Variants in CTNNA2 observed in about 807,000 individuals in gnomAD.
The protein encoded by CTNNA2 is catenin alpha 2, also known as catenin alpha-2.
In CTNNA2, 42 loss-of-function variants were observed where a neutral mutation model predicts 101.0. The ratio of observed to expected loss-of-function variants is 0.42; its 90% CI spans 0.32 to 0.54. The LOEUF (loss-of-function observed/expected upper bound fraction) is 0.54. Among genes scored for constraint, CTNNA2 ranks in the 20% least tolerant of loss-of-function variants. The pLI is 0.14. For synonymous variants in CTNNA2, 450 were observed against 456.4 expected (o/e 0.99, Z 0.18); for missense variants, 871 against 1,223.1 (o/e 0.71, Z 4.29).
chr2:80,054,657 A>G (rs886217265), intron 7 of CTNNA2, among the ~76,000 whole-genome samples: 2 of 152,060 alleles, frequency 1.3e-5, no homozygotes, highest in Non-Finnish European at 2.9e-5. Context: ...TCGCAAGGAG[A>G]TGTGGGAACC....
At chr2:80,072,982 G>A (rs1471761) in intron 7 of CTNNA2, among the ~76,000 whole-genome samples, 91 of 152,116 alleles carry the variant, frequency 6.0e-4, no homozygotes, top group Middle Eastern at 3.4e-3. Context: ...GTCTATTTTC[G>A]TGCAGAAATT....
rs1427552722 is a variant in CTNNA2 at position 79,930,262 on chromosome 2, GAAAGAAAGAA to G, written c.1056+20467_1056+20476del. On this transcript the variant is annotated intron_variant, in intron 7 of 18. Coordinates refer to ENST00000402739, the MANE Select transcript of CTNNA2 (RefSeq NM_001282597.3). Reference sequence around the variant, plus strand: ...TGTCTCAAAGAAAGAAAGAAAGAAAGAAAGAAAGAAAGAAAGAGAGAGAGAGAGAAAGAGA... The same window carrying G: ...TGTCTCAAAGAAAGAAAGAAAGAAAGAGAAAGAGAGAGAGAGAGAAAGAGA... 1.2e-4 allele frequency among the ~76,000 whole-genome samples: 5 copies of G among 40,068 alleles called. 1 individual carries two copies. Among genetic ancestry groups the G allele is most frequent in the African/African-American group, 3.0e-4 (5 of 16,620 alleles). 26.3% of individuals were successfully genotyped at this position (40,068 alleles called of 152,430 possible).
In CTNNA2 at chr2:79,469,547, G is replaced by A. The variant is rs568133332; in HGVS notation, c.-134-35507G>A. Among the ~76,000 whole-genome samples, 11 of 152,204 alleles carry A rather than the reference G, an allele frequency of 7.2e-5. No individual in the cohort carries two copies. In the South Asian group the frequency reaches 1.2e-3, roughly 17 times the overall value. ...CATTTTATGAGGCCAGCATCATCCCGATACCAAAGCCCAGCAGAGACACAA... is the reference window on the plus strand; with the variant it reads ...CATTTTATGAGGCCAGCATCATCCCAATACCAAAGCCCAGCAGAGACACAA... On this transcript the variant is annotated intron_variant, in intron 4 of 21. Transcript: ENST00000466387.
chr2:80,323,509 T>C (rs1347475905), intron 7 of CTNNA2, among the ~76,000 whole-genome samples: 1 of 152,164 alleles, frequency 6.6e-6, no homozygotes, highest in African/African-American at 2.4e-5. Flanking sequence ...TGTCAGGCAC[T>C]GTCCTAGATG....
chr2:79,907,106 A>G (rs1351402510), intron 6 of CTNNA2, among the ~76,000 whole-genome samples: 1 of 152,212 alleles, frequency 6.6e-6, no homozygotes, highest in Admixed American at 6.5e-5. Context: ...GTCCTAAAGT[A>G]CAATAAATAC....
chr2:79,796,394 CAAAA>C (rs386390569), intron 3 of CTNNA2, among the ~76,000 whole-genome samples: 2 of 94,814 alleles, frequency 2.1e-5, no homozygotes, highest in Non-Finnish European at 4.7e-5. Flanking sequence ...GACTCCGTCT[CAAAA>C]AAAAAAAAAA....
chr2:80,137,833 G>T lies in CTNNA2; in HGVS notation c.1056+228036G>T, dbSNP rs140651270. On this transcript the variant is annotated intron_variant, in intron 7 of 18. Coordinates refer to ENST00000402739, the MANE Select transcript of CTNNA2 (RefSeq NM_001282597.3). Reference sequence around the variant, plus strand: ...GGACACTTGATCATTCCATTGTTGGGATTTTAAACAACAAAGTATTGTGAA... The same window carrying T: ...GGACACTTGATCATTCCATTGTTGGTATTTTAAACAACAAAGTATTGTGAA... Among the ~76,000 whole-genome samples the T allele has an allele frequency of 3.6e-4, 55 of 152,038 alleles. 2 individuals are homozygous for T. The East Asian group carries it at 9.5e-3, about 26-fold the overall frequency.
intron 2 of CTNNA2, among the ~76,000 whole-genome samples, chr2:79,213,735 G>A (rs189738517): frequency 2.0e-5 from 3 of 152,176 alleles, no homozygotes; most frequent in South Asian, 2.1e-4. Flanking sequence ...ATTGAAGTCC[G>A]GGCAAGGAAC....
chr2:79,851,697 C>A (rs1443708898), intron 3 of CTNNA2, among the ~76,000 whole-genome samples: 2 of 87,742 alleles, frequency 2.3e-5, no homozygotes, highest in Non-Finnish European at 4.4e-5. Flanking sequence ...CCCTTTTTCT[C>A]ATCCTTTTTT....
chr2:80,339,134 T>G (rs80089919), intron 7 of CTNNA2, among the ~76,000 whole-genome samples: 2 of 152,208 alleles, frequency 1.3e-5, no homozygotes, highest in Non-Finnish European at 2.9e-5. Context: ...GATTTTTTTT[T>G]AACATCTACA....
At chr2:80,514,634 G>T (rs933537274) in intron 9 of CTNNA2, among the ~76,000 whole-genome samples, 3 of 152,190 alleles carry the variant, frequency 2.0e-5, no homozygotes, top group African/African-American at 7.2e-5. Context: ...GACCAGGCAG[G>T]CAGGTAAACT....
intron 2 of CTNNA2, among the ~76,000 whole-genome samples, chr2:79,721,743 T>A (rs1423081596): frequency 6.6e-6 from 1 of 152,212 alleles, no homozygotes; most frequent in African/African-American, 2.4e-5. Context: ...TTCTACTGAA[T>A]ATGTTCGAAT....
chr2:79,316,880 G>C (rs1292299817), intron 3 of CTNNA2, among the ~76,000 whole-genome samples: 2 of 151,338 alleles, frequency 1.3e-5, no homozygotes. Context: ...TTTCAAATTT[G>C]AATGCTATTT....
intron 7 of CTNNA2, among the ~76,000 whole-genome samples, chr2:80,008,179 G>A (rs986900286): frequency 6.6e-6 from 1 of 152,172 alleles, no homozygotes; most frequent in Non-Finnish European, 1.5e-5. Context: ...ATACTGTGTG[G>A]TCTGGAAACA....
intron 3 of CTNNA2, among the ~76,000 whole-genome samples, chr2:79,835,666 G>GTTTTTTTTTTTTGT (rs1679279625): frequency 3.4e-5 from 2 of 58,618 alleles, no homozygotes; most frequent in African/African-American, 1.5e-4. Flanking sequence ...GCCTCTCTTT[G>GTTTTTTTTTTTTGT]TTTTTTTTTT....
At chr2:80,186,279 G>A (rs1249632501) in intron 7 of CTNNA2, among the ~76,000 whole-genome samples, 1 of 152,174 alleles carries the variant, frequency 6.6e-6, no homozygotes, top group Admixed American at 6.5e-5. Flanking sequence ...CTTTAAAAAT[G>A]AACAATAAAT....
intron 1 of CTNNA2, among the ~76,000 whole-genome samples, chr2:79,618,943 C>T (rs1678818844): frequency 6.6e-6 from 1 of 152,170 alleles, no homozygotes. Context: ...TGGTGGCTCA[C>T]GCCTGTAATC....
At chr2:79,421,352 G>T (rs1422838224) in intron 4 of CTNNA2, among the ~76,000 whole-genome samples, 1 of 152,118 alleles carries the variant, frequency 6.6e-6, no homozygotes, top group Non-Finnish European at 1.5e-5. Context: ...GAACTTACGC[G>T]AGAGCTGAGA....
intron 14 of CTNNA2, among the ~76,000 whole-genome samples, chr2:80,587,574 G>A (rs998039579): frequency 2.0e-5 from 3 of 152,144 alleles, no homozygotes; most frequent in Non-Finnish European, 4.4e-5. Flanking sequence ...CTTAACCCAT[G>A]TCAGCTACAG....
Sources: gnomAD v4.1 joint callset for allele counts (sites outside exome capture counted in the v4.1 genomes callset) on GRCh38, gnomAD v4.1.1 for gene constraint, MANE v1.5 for transcripts, NCBI Gene and HGNC (gene_info 2026-07-23, HGNC 2026-07-21) for gene names.